The following RAB38 variants were observed in gnomAD, a reference collection of about 807,000 sequenced individuals.
RAB38 encodes RAB38, member RAS oncogene family.
A neutral mutation model predicts 18.4 loss-of-function variants in RAB38; 15 were observed. The observed-to-expected ratio is 0.82, with a 90% CI of 0.55 to 1.26. The LOEUF (loss-of-function observed/expected upper bound fraction) is 1.26, where lower values mean the gene tolerates loss of function less well. Among genes scored for constraint, RAB38 ranks in the 50% most tolerant of loss-of-function variants. RAB38 has a pLI of 0.00. For missense variants in RAB38, 294 were observed against 267.4 expected (o/e 1.10, Z -0.69); for synonymous variants, 101 against 104.4 (o/e 0.97, Z 0.20).
the RAB38 span, among the ~76,000 whole-genome samples, chr11:88,091,899 C>A: frequency 1.3e-5 from 2 of 151,780 alleles, no homozygotes; most frequent in African/African-American, 2.4e-5. Flanking sequence ...TCTTGGTAAA[C>A]CCACTTTCAA....
At chr11:88,156,447 T>G (rs1014027001) in intron 1 of RAB38, among the ~76,000 whole-genome samples, 1 of 152,222 alleles carries the variant, frequency 6.6e-6, no homozygotes, top group Non-Finnish European at 1.5e-5. Context: ...CTCATGCCTG[T>G]AACCCCAGCA....
chr11:87,973,268 A>G, the RAB38 span, among the ~76,000 whole-genome samples: 2 of 152,096 alleles, frequency 1.3e-5, no homozygotes, highest in Non-Finnish European at 2.9e-5. Context: ...TCCATTAAAT[A>G]AAAGACTACT....
chr11:87,869,140 C>T, the RAB38 span, among the ~76,000 whole-genome samples: 2 of 151,674 alleles, frequency 1.3e-5, no homozygotes, highest in Admixed American at 6.6e-5. Context: ...CTATCATCAT[C>T]ACTTATATTT....
At chr11:88,105,699 C>T in the RAB38 span, among the ~76,000 whole-genome samples, 1 of 152,120 alleles carries the variant, frequency 6.6e-6, no homozygotes. Flanking sequence ...AAAGGCACAG[C>T]CAAAGACCCT....
chr11:88,144,733 T>C (rs1001172423), intron 2 of RAB38, among the ~76,000 whole-genome samples: 4 of 152,150 alleles, frequency 2.6e-5, no homozygotes, highest in Non-Finnish European at 5.9e-5. Flanking sequence ...AAAAAGTCAC[T>C]ATAAATAGCA....
At chr11:88,106,390 G>A in the RAB38 span, among the ~76,000 whole-genome samples, 67 of 152,062 alleles carry the variant, frequency 4.4e-4, no homozygotes, top group Admixed American at 2.3e-3. Flanking sequence ...AGACAAAATA[G>A]AAAACATTGT....
At chr11:88,132,901 A>G (rs1942783332) in intron 2 of RAB38, among the ~76,000 whole-genome samples, 1 of 152,250 alleles carries the variant, frequency 6.6e-6, no homozygotes, top group African/African-American at 2.4e-5. Context: ...TAAATGCACA[A>G]GATTTCATTT....
chr11:87,922,112 T>C, the RAB38 span, among the ~76,000 whole-genome samples: 42 of 152,156 alleles, frequency 2.8e-4, no homozygotes, highest in African/African-American at 6.7e-4. Context: ...GTCTAACTTA[T>C]ATGACTGTAA....
chr11:87,885,706 T>C, the RAB38 span, among the ~76,000 whole-genome samples: 1 of 152,008 alleles, frequency 6.6e-6, no homozygotes, highest in Non-Finnish European at 1.5e-5. Flanking sequence ...TTTGGGGTAA[T>C]GAACCTCATT....
chr11:87,832,321 T>C, the RAB38 span, among the ~76,000 whole-genome samples: 1 of 152,160 alleles, frequency 6.6e-6, no homozygotes, highest in Non-Finnish European at 1.5e-5. Flanking sequence ...AAACAATCAA[T>C]CAGTCACTTA....
chr11:87,871,217 A>G, the RAB38 span, among the ~76,000 whole-genome samples: 1 of 151,608 alleles, frequency 6.6e-6, no homozygotes, highest in Non-Finnish European at 1.5e-5. Context: ...TGCCTCCAGG[A>G]CAAGCTGTGA....
At chr11:87,862,434 CACTT>C in the RAB38 span, among the ~76,000 whole-genome samples, 2 of 151,862 alleles carry the variant, frequency 1.3e-5, no homozygotes, top group African/African-American at 4.8e-5. Flanking sequence ...GGAATGTTCT[CACTT>C]ACAAGTGGAA....
chr11:87,942,799 A>G, the RAB38 span, among the ~76,000 whole-genome samples: 1 of 152,150 alleles, frequency 6.6e-6, no homozygotes, highest in Non-Finnish European at 1.5e-5. Context: ...AATGTCCACA[A>G]GTCTGTGTGT....
At chr11:87,967,630 C>T in the RAB38 span, among the ~76,000 whole-genome samples, 1 of 152,126 alleles carries the variant, frequency 6.6e-6, no homozygotes, top group African/African-American at 2.4e-5. Flanking sequence ...AATGCCTCTT[C>T]TCCACTTCCA....
chr11:87,865,204 A>C, the RAB38 span, among the ~76,000 whole-genome samples: 1 of 151,654 alleles, frequency 6.6e-6, no homozygotes, highest in Non-Finnish European at 1.5e-5. Context: ...CCATATACTC[A>C]TGCCTGGAAC....
the RAB38 span, among the ~76,000 whole-genome samples, chr11:87,896,624 G>T: frequency 6.6e-6 from 1 of 151,570 alleles, no homozygotes; most frequent in East Asian, 2.0e-4. Flanking sequence ...AAAAAACAGA[G>T]AATTGGTTGT....
At chr11:87,861,836 A>G in the RAB38 span, among the ~76,000 whole-genome samples, 8 of 151,798 alleles carry the variant, frequency 5.3e-5, 1 homozygote, top group Middle Eastern at 6.8e-3. Context: ...AAAAGCATCA[A>G]TTTTTCCTCA....
chr11:87,958,948 C>A, the RAB38 span, among the ~76,000 whole-genome samples: 1 of 152,078 alleles, frequency 6.6e-6, no homozygotes, highest in African/African-American at 2.4e-5. Flanking sequence ...GAATTGTAAT[C>A]ATATTTCACC....
At chr11:87,837,368 G>C in the RAB38 span, among the ~76,000 whole-genome samples, 2 of 152,226 alleles carry the variant, frequency 1.3e-5, no homozygotes, top group East Asian at 3.9e-4. Flanking sequence ...TTTTTTAAAT[G>C]AATGAGTTTC....
Sources: gnomAD v4.1 joint callset for allele counts (sites outside exome capture counted in the v4.1 genomes callset) on GRCh38, gnomAD v4.1.1 for gene constraint, MANE v1.5 for transcripts, NCBI Gene and HGNC (gene_info 2026-07-23, HGNC 2026-07-21) for gene names.